RTF1: variants seen among roughly 807,000 people sequenced by gnomAD.
The protein encoded by RTF1 is RTF1 homolog, Paf1/RNA polymerase II complex component.
RTF1 carries 10 observed loss-of-function variants against 95.7 expected under a neutral mutation model. The observed-to-expected ratio is 0.10, with a 90% CI of 0.06 to 0.18. The LOEUF (loss-of-function observed/expected upper bound fraction) is 0.18. Among genes scored for constraint, RTF1 ranks in the 10% least tolerant of loss-of-function variants. The pLI is 1.00. For synonymous variants in RTF1, 305 were observed against 311.8 expected (o/e 0.98, Z 0.23); for missense variants, 458 against 875.6 (o/e 0.52, Z 6.02).
At chr15:41,445,734 A>ATTT (rs66494134) in intron 2 of RTF1, among the ~76,000 whole-genome samples, 3 of 132,034 alleles carry the variant, frequency 2.3e-5, no homozygotes, top group Admixed American at 7.7e-5. Flanking sequence ...TCCTGACCCC[A>ATTT]TTTTTTTTTT....
chr15:41,428,623 A>G (rs560268456), intron 1 of RTF1, among the ~76,000 whole-genome samples: 2 of 151,206 alleles, frequency 1.3e-5, no homozygotes, highest in African/African-American at 4.9e-5. Context: ...CCCAAGCTGA[A>G]GTGCAGTGAC....
chr15:41,420,856 G>A (rs1029625674), intron 1 of RTF1, among the ~76,000 whole-genome samples: 2 of 152,158 alleles, frequency 1.3e-5, no homozygotes, highest in Non-Finnish European at 2.9e-5. Flanking sequence ...CAGACTCTCA[G>A]GGGATAGAGG....
At chr15:41,443,864 G>T (rs537137178) in intron 2 of RTF1, among the ~76,000 whole-genome samples, 1 of 151,922 alleles carries the variant, frequency 6.6e-6, no homozygotes, top group African/African-American at 2.4e-5. Context: ...TCTGGAGCTC[G>T]AGACCATCCT....
intron 1 of RTF1, among the ~76,000 whole-genome samples, chr15:41,422,171 A>C (rs1393037731): frequency 6.6e-6 from 1 of 152,076 alleles, no homozygotes; most frequent in Admixed American, 6.6e-5. Context: ...GGTAGCTGAG[A>C]TTACAGGCGC....
chr15:41,462,326 T>G (rs1051909207), intron 4 of RTF1, among the ~76,000 whole-genome samples: 2 of 152,092 alleles, frequency 1.3e-5, no homozygotes, highest in Non-Finnish European at 2.9e-5. Context: ...TCATTTTCAG[T>G]TGTTAGATTA....
chr15:41,454,645 G>A (rs1161809024), intron 3 of RTF1, among the ~76,000 whole-genome samples: 1 of 152,100 alleles, frequency 6.6e-6, no homozygotes, highest in Non-Finnish European at 1.5e-5. Flanking sequence ...CCTTTACCAA[G>A]TAATCCAAAT....
intron 6 of RTF1, among the ~76,000 whole-genome samples, chr15:41,468,090 C>T (rs941963487): frequency 7.9e-5 from 12 of 151,944 alleles, no homozygotes; most frequent in Admixed American, 4.6e-4. Context: ...CACTTGAACC[C>T]GGGAGGTGGA....
intron 8 of RTF1, among the ~76,000 whole-genome samples, chr15:41,473,969 A>G (rs2050929098): frequency 6.6e-6 from 1 of 152,080 alleles, no homozygotes; most frequent in Non-Finnish European, 1.5e-5. Context: ...CCAGGGAGGC[A>G]GAGGTTGCAG....
In RTF1 at chr15:41,480,285, C is replaced by T. The variant is rs143609385; in HGVS notation, c.1986C>T (p.His662=). 1.2e-3 allele frequency: 1,905 copies of T among 1,613,642 alleles called. 24 individuals carry two copies. The South Asian group carries it at 0.015, about 13-fold the overall frequency. Residue 662 remains histidine (H), a synonymous_variant, in exon 17 of 18, where the codon CAC becomes CAT. Coordinates refer to ENST00000389629, the MANE Select transcript of RTF1 (RefSeq NM_015138.5). ...TCTCAGAAGATCTGTTCAAAGTACA[C>T]GATTTTGATGTGAAGATTGACTTAC... ...SDLSEDLFKV[H]DFDVKIDLQV... is the part of the protein sequence containing the mutation.
rs568268987 is a variant in RTF1 at position 41,464,073 on chromosome 15, A to C, written c.663-698A>C. Among the ~76,000 whole-genome samples, 4 of 149,538 alleles carry C rather than the reference A, an allele frequency of 2.7e-5. No homozygotes were observed. The East Asian group carries it at 8.1e-4, about 30-fold the overall frequency. Reference sequence around the variant, plus strand: ...CACCATTTTGGCCAGGATGGTCTCAATCTCCTGACCTCGTGATCCGTCCAC... The same window carrying C: ...CACCATTTTGGCCAGGATGGTCTCACTCTCCTGACCTCGTGATCCGTCCAC... On this transcript the variant is annotated intron_variant, in intron 4 of 17. Transcript: ENST00000389629.
intron 14 of RTF1, 43 bp downstream of exon 14, chr15:41,477,558 T>TGTTTA (rs1429990422): frequency 6.4e-7 from 1 of 1,552,192 alleles, no homozygotes; most frequent in African/African-American, 1.4e-5. Flanking sequence ...AGTTAATTAA[T>TGTTTA]AAACCATGAC....
intron 16 of RTF1, among the ~76,000 whole-genome samples, chr15:41,479,776 T>G (rs1292467791): frequency 6.7e-6 from 1 of 149,822 alleles, no homozygotes; most frequent in East Asian, 2.0e-4. Context: ...GGCAGGAAAA[T>G]CGCGTGAACC....
chr15:41,475,668 C>G, intron 10 of RTF1, 44 bp from the exon 11 acceptor site: 1 of 1,600,862 alleles, frequency 6.2e-7, no homozygotes, highest in Non-Finnish European at 8.6e-7. Flanking sequence ...AAATATCTTT[C>G]CAAAATCCCT....
chr15:41,480,187 C>G, intron 16 of RTF1, 27 bp from the exon 17 acceptor site: 1 of 1,413,834 alleles, frequency 7.1e-7, no homozygotes, highest in Non-Finnish European at 1.0e-6. Flanking sequence ...TATGCTCTTA[C>G]CATTAGCTTT....
At chr15:41,435,016 A>G (rs1171215844) in intron 1 of RTF1, among the ~76,000 whole-genome samples, 3 of 149,162 alleles carry the variant, frequency 2.0e-5, no homozygotes, top group Non-Finnish European at 4.4e-5. Flanking sequence ...GCTGGAGTGC[A>G]GTGGCGTGAT....
At position 41,478,641 on chromosome 15, in the gene RTF1, G is replaced by A. The variant is rs756957893; in HGVS notation, c.1818+16G>A. The A allele has an allele frequency of 1.3e-6, 2 of 1,598,120 alleles. No individual in the cohort carries two copies. ...CGTTTCTAATGTGAGTGCTGAAAGAGGACATTTTAGTCAGGACCTAGATTC... is the reference window on the plus strand; with the variant it reads ...CGTTTCTAATGTGAGTGCTGAAAGAAGACATTTTAGTCAGGACCTAGATTC... On this transcript the variant is annotated intron_variant, in intron 15 of 17. Transcript: ENST00000389629.
At chr15:41,457,981 G>C in intron 4 of RTF1, 105 bp downstream of exon 4, 1 of 825,990 alleles carries the variant, frequency 1.2e-6, no homozygotes, top group Non-Finnish European at 1.9e-6. Flanking sequence ...ATGGAGACTG[G>C]CATTTGGAAT....
At chr15:41,438,252 G>T in intron 1 of RTF1, 69 bp from the exon 2 acceptor site, 3 of 1,028,940 alleles carry the variant, frequency 2.9e-6, no homozygotes, top group Non-Finnish European at 1.4e-6. Context: ...GAGAGGGTGG[G>T]CATTTTATTA....
intron 1 of RTF1, among the ~76,000 whole-genome samples, chr15:41,433,130 C>T (rs2050683978): frequency 6.6e-6 from 1 of 151,836 alleles, no homozygotes; most frequent in African/African-American, 2.4e-5. Flanking sequence ...CACCTATAGT[C>T]CCAGCTACTT....
Sources: allele counts gnomAD v4.1 joint callset (sites outside exome capture counted in the v4.1 genomes callset), GRCh38; gene constraint gnomAD v4.1.1; transcripts MANE v1.5; gene names NCBI Gene and HGNC (gene_info 2026-07-23, HGNC 2026-07-21).